Variants in FARS2 observed in about 807,000 individuals in gnomAD.
FARS2 encodes the protein phenylalanine--tRNA ligase, mitochondrial.
FARS2 carries 40 observed loss-of-function variants against 46.4 expected under a neutral mutation model. That is an observed-to-expected ratio of 0.86 (90% CI 0.67 to 1.12). The LOEUF is 1.12. Among genes scored for constraint, FARS2 ranks in the 50% most tolerant of loss-of-function variants. The pLI, the probability that FARS2 is intolerant of heterozygous loss-of-function variation, is 0.00. For synonymous variants in FARS2, 234 were observed against 214.9 expected (o/e 1.09, Z -0.78); for missense variants, 513 against 567.9 (o/e 0.90, Z 0.98).
chr6:5,385,196 G>T (rs1015797109), intron 2 of FARS2, among the ~76,000 whole-genome samples: 12 of 152,188 alleles, frequency 7.9e-5, no homozygotes, highest in African/African-American at 2.9e-4. Flanking sequence ...GTTGGTTAAA[G>T]AAATTGAAAA....
At chr6:5,399,918 T>C (rs1440793405) in intron 2 of FARS2, among the ~76,000 whole-genome samples, 1 of 152,152 alleles carries the variant, frequency 6.6e-6, no homozygotes, top group East Asian at 1.9e-4. Context: ...TTACAAACAA[T>C]ACTACAATGA....
At chr6:5,583,378 T>C (rs1463064990) in intron 5 of FARS2, among the ~76,000 whole-genome samples, 2 of 152,208 alleles carry the variant, frequency 1.3e-5, no homozygotes, top group African/African-American at 2.4e-5. Context: ...GAATCATACA[T>C]GCTTAAGTGT....
chr6:5,431,026 T>C lies in FARS2; in HGVS notation c.773-15T>C, dbSNP rs576701962. 2 of 1,612,274 alleles carry C rather than the reference T, an allele frequency of 1.2e-6. No homozygotes were observed. Among genetic ancestry groups the C allele is most frequent in the Non-Finnish European group, 1.7e-6 (2 of 1,178,804 alleles). On this transcript the variant is annotated splice_polypyrimidine_tract_variant and intron_variant, in intron 3 of 6. Coordinates refer to ENST00000274680, the MANE Select transcript of FARS2 (RefSeq NM_006567.5). ...TATTTAACACTACTTATTTGTTTCT[T>C]TGGCAACTTTGCAGAGCTGGAGATA...
intron 5 of FARS2, among the ~76,000 whole-genome samples, chr6:5,591,124 T>C (rs566924508): frequency 6.6e-6 from 1 of 152,360 alleles, no homozygotes; most frequent in African/African-American, 2.4e-5. Context: ...AGGGAATCTT[T>C]TGGTGTTAAT....
chr6:5,757,863 T>G (rs1185391108), intron 6 of FARS2, among the ~76,000 whole-genome samples: 1 of 152,248 alleles, frequency 6.6e-6, no homozygotes, highest in Non-Finnish European at 1.5e-5. Context: ...ACGGTTACTA[T>G]TAATAAAATG....
At chr6:5,685,650 A>G (rs1021135429) in intron 6 of FARS2, among the ~76,000 whole-genome samples, 1 of 152,182 alleles carries the variant, frequency 6.6e-6, no homozygotes, top group Admixed American at 6.5e-5. Flanking sequence ...CCTGGAGTAG[A>G]TAAAGCGTAC....
At position 5,321,603 on chromosome 6, in the gene FARS2, G is replaced by A. The variant is rs144592473; in HGVS notation, c.-21-46947G>A. 3.7e-3 allele frequency among the ~76,000 whole-genome samples: 562 copies of A among 151,380 alleles called. 3 individuals are homozygous for A. The highest frequency in any genetic ancestry group is 0.012 in the African/African-American group (511 of 41,086). ...AGGGATATTTGCACTAAGCTTTGTT[G>A]TATCTACTTCATCCCCATTCGGTAG... On this transcript the variant is annotated intron_variant, in intron 1 of 6. Coordinates refer to ENST00000274680, the MANE Select transcript of FARS2 (RefSeq NM_006567.5).
At chr6:5,342,346 A>G (rs1771715974) in intron 1 of FARS2, among the ~76,000 whole-genome samples, 1 of 152,252 alleles carries the variant, frequency 6.6e-6, no homozygotes, top group African/African-American at 2.4e-5. Flanking sequence ...ACTGTGGTGC[A>G]TTTATTTATA....
At chr6:5,361,595 T>C (rs73367058) in intron 1 of FARS2, among the ~76,000 whole-genome samples, 8,882 of 152,276 alleles carry the variant, frequency 0.058, 309 homozygotes, top group Middle Eastern at 0.14. Flanking sequence ...GCAAAAGCAT[T>C]CTCTTGACTT....
intron 1 of FARS2, among the ~76,000 whole-genome samples, chr6:5,290,053 G>T (rs1232277203): frequency 6.6e-6 from 1 of 152,132 alleles, no homozygotes; most frequent in Non-Finnish European, 1.5e-5. Context: ...AAATAATGGT[G>T]TTTTAAAGTG....
intron 6 of FARS2, among the ~76,000 whole-genome samples, chr6:5,736,507 A>G (rs1760962352): frequency 6.6e-6 from 1 of 152,206 alleles, no homozygotes; most frequent in South Asian, 2.1e-4. Context: ...TAAAAAGACC[A>G]GCGCAAATAG....
At chr6:5,684,717 A>G (rs1435982579) in intron 6 of FARS2, among the ~76,000 whole-genome samples, 1 of 152,190 alleles carries the variant, frequency 6.6e-6, no homozygotes, top group Admixed American at 6.5e-5. Context: ...CATCTTACAC[A>G]TTGAGTGGAG....
chr6:5,258,699 AT>A (rs1398531760), upstream of FARS2, among the ~76,000 whole-genome samples: 1 of 152,248 alleles, frequency 6.6e-6, no homozygotes, highest in Non-Finnish European at 1.5e-5. Flanking sequence ...GTATAAAATG[AT>A]TATCAGATTC....
At chr6:5,407,371 T>A (rs1018164581) in intron 3 of FARS2, among the ~76,000 whole-genome samples, 2 of 152,078 alleles carry the variant, frequency 1.3e-5, no homozygotes, top group Non-Finnish European at 2.9e-5. Context: ...TTGTTGTAAT[T>A]TATTAAGCCT....
chr6:5,578,808 CA>C (rs56248218), intron 5 of FARS2, among the ~76,000 whole-genome samples: 320 of 124,248 alleles, frequency 2.6e-3, no homozygotes, highest in Middle Eastern at 0.016. Flanking sequence ...CACTCCGTCT[CA>C]AAAAAAAAAA....
At chr6:5,526,712 G>A (rs1006677218) in intron 4 of FARS2, among the ~76,000 whole-genome samples, 1 of 152,062 alleles carries the variant, frequency 6.6e-6, no homozygotes, top group Non-Finnish European at 1.5e-5. Context: ...CACCTCCTAG[G>A]TTCAAGCAAT....
intron 4 of FARS2, among the ~76,000 whole-genome samples, chr6:5,526,438 A>G (rs993461229): frequency 6.6e-6 from 1 of 152,072 alleles, no homozygotes; most frequent in Admixed American, 6.5e-5. Flanking sequence ...CCCTTTTATC[A>G]TTCATATATT....
At chr6:5,625,959 G>C (rs1181773565) in intron 6 of FARS2, among the ~76,000 whole-genome samples, 1 of 152,172 alleles carries the variant, frequency 6.6e-6, no homozygotes, top group African/African-American at 2.4e-5. Flanking sequence ...AGAGGCTTCA[G>C]CTGGTTTTTT....
chr6:5,500,556 G>T (rs1165500107), intron 4 of FARS2, among the ~76,000 whole-genome samples: 2 of 152,198 alleles, frequency 1.3e-5, no homozygotes, highest in Non-Finnish European at 2.9e-5. Flanking sequence ...GTTACCTTCA[G>T]TGTTTTTCAT....
Sources: allele counts gnomAD v4.1 joint callset (sites outside exome capture counted in the v4.1 genomes callset), GRCh38; gene constraint gnomAD v4.1.1; transcripts MANE v1.5; gene names NCBI Gene and HGNC (gene_info 2026-07-23, HGNC 2026-07-21).